The following SHTN1 variants were observed in gnomAD, a reference collection of about 807,000 sequenced individuals.
The protein encoded by SHTN1 is shootin 1, also known as shootin-1.
A neutral mutation model predicts 83.1 loss-of-function variants in SHTN1; 42 were observed. The ratio of observed to expected loss-of-function variants is 0.51; its 90% CI spans 0.39 to 0.65. The LOEUF (loss-of-function observed/expected upper bound fraction) is 0.65. Ranked by LOEUF, SHTN1 falls within the 30% of genes least tolerant of loss-of-function variation. The pLI is 0.00. For missense variants in SHTN1, 622 were observed against 737.8 expected, an observed-to-expected ratio of 0.84 and a Z score of 1.82; for synonymous variants, 224 against 247.7, an observed-to-expected ratio of 0.90 and a Z score of 0.90.
intron 2 of SHTN1, among the ~76,000 whole-genome samples, chr10:117,016,863 AG>A (rs1428210030): frequency 7.2e-5 from 11 of 152,208 alleles, no homozygotes; most frequent in Non-Finnish European, 1.5e-4. Flanking sequence ...ACATACATAA[AG>A]GTATATGTAT....
chr10:117,038,838 G>A (rs747577214), intron 2 of SHTN1, among the ~76,000 whole-genome samples: 28 of 152,282 alleles, frequency 1.8e-4, no homozygotes, highest in East Asian at 9.6e-4. Context: ...GAACACTGAC[G>A]ATACCAAATG....
chr10:117,072,717 C>T (rs1343580492), intron 1 of SHTN1, among the ~76,000 whole-genome samples: 2 of 152,132 alleles, frequency 1.3e-5, no homozygotes, highest in African/African-American at 4.8e-5. Context: ...TGAAAAACAG[C>T]CTTCAACCCT....
At chr10:116,893,576 G>GCGCGCACACACACACACACACACA (rs1554905664) in intron 16 of SHTN1, among the ~76,000 whole-genome samples, 2 of 123,592 alleles carry the variant, frequency 1.6e-5, no homozygotes, top group East Asian at 4.8e-4. Context: ...GCACTCATGT[G>GCGCGCACACACACACACACACACA]CACACACACA....
At chr10:116,893,602 A>ACACACACACACACACACG (rs1847415903) in intron 16 of SHTN1, among the ~76,000 whole-genome samples, 2 of 151,946 alleles carry the variant, frequency 1.3e-5, no homozygotes, top group African/African-American at 4.8e-5. Flanking sequence ...ACACACGAGA[A>ACACACACACACACACACG]AGAAAGCGGA....
At chr10:116,951,531 T>C (rs1408489814) in intron 6 of SHTN1, among the ~76,000 whole-genome samples, 2 of 152,224 alleles carry the variant, frequency 1.3e-5, no homozygotes, top group Admixed American at 1.3e-4. Flanking sequence ...GGGACAGTCC[T>C]TCCCAATTGA....
chr10:116,992,073 T>C (rs565454345), intron 1 of SHTN1, among the ~76,000 whole-genome samples: 1 of 152,108 alleles, frequency 6.6e-6, no homozygotes, highest in South Asian at 2.1e-4. Flanking sequence ...GCTCAAGAGG[T>C]TGAGGCTGCA....
chr10:116,954,380 C>A (rs1186580123), intron 4 of SHTN1, among the ~76,000 whole-genome samples, 170 bp from the exon 5 acceptor site: 3 of 152,078 alleles, frequency 2.0e-5, no homozygotes, highest in African/African-American at 7.2e-5. Flanking sequence ...AAATTTATTT[C>A]TTTAACCAAG....
At chr10:117,092,024 A>AC (rs1166660020) in intron 1 of SHTN1, among the ~76,000 whole-genome samples, 3 of 152,208 alleles carry the variant, frequency 2.0e-5, no homozygotes, top group African/African-American at 7.2e-5. Flanking sequence ...GGTATTCTCA[A>AC]CCCCTTATAA....
chr10:117,026,853 C>G (rs1199838668), intron 2 of SHTN1, among the ~76,000 whole-genome samples: 1 of 152,180 alleles, frequency 6.6e-6, no homozygotes, highest in Non-Finnish European at 1.5e-5. Context: ...GCTTTGCCAC[C>G]TGCTGATTGT....
intron 1 of SHTN1, among the ~76,000 whole-genome samples, chr10:117,050,789 C>T (rs914318739): frequency 2.6e-5 from 4 of 151,954 alleles, no homozygotes; most frequent in Non-Finnish European, 4.4e-5. Context: ...CTTGGTGGCT[C>T]GCACCTGTAA....
At chr10:117,089,044 G>A (rs942227693) in intron 1 of SHTN1, among the ~76,000 whole-genome samples, 19 of 152,164 alleles carry the variant, frequency 1.2e-4, no homozygotes, top group African/African-American at 4.6e-4. Flanking sequence ...CATTAATAGG[G>A]CTGTACAGCC....
At chr10:117,106,972 GTAAAGTGCT>G (rs1853678953) in intron 1 of SHTN1, among the ~76,000 whole-genome samples, 1 of 152,138 alleles carries the variant, frequency 6.6e-6, no homozygotes, top group South Asian at 2.1e-4. Flanking sequence ...GTGGACACAT[GTAAAGTGCT>G]TAAAACACTA....
intron 10 of SHTN1, among the ~76,000 whole-genome samples, chr10:116,929,452 G>A (rs1786254178): frequency 6.6e-6 from 1 of 152,154 alleles, no homozygotes; most frequent in Non-Finnish European, 1.5e-5. Flanking sequence ...GAACACCAAA[G>A]ATGAAGACAG....
At chr10:116,998,342 C>T (rs868362587) in intron 1 of SHTN1, among the ~76,000 whole-genome samples, 1 of 152,038 alleles carries the variant, frequency 6.6e-6, no homozygotes, top group South Asian at 2.1e-4. Flanking sequence ...TCTTATCTAC[C>T]GTTTCACTCT....
chr10:116,988,194 A>G (rs552208017), intron 1 of SHTN1, among the ~76,000 whole-genome samples: 1 of 152,204 alleles, frequency 6.6e-6, no homozygotes, highest in South Asian at 2.1e-4. Context: ...TAATAATAGT[A>G]GAAATGAGAG....
chr10:117,024,097 G>A (rs998791123), intron 2 of SHTN1, among the ~76,000 whole-genome samples: 3 of 10,828 alleles, frequency 2.8e-4, no homozygotes, highest in African/African-American at 3.7e-4. Context: ...CTGTGGTCAG[G>A]CACTCTGAAT....
At chr10:117,015,550 C>T (rs937342219) in intron 2 of SHTN1, among the ~76,000 whole-genome samples, 2 of 152,096 alleles carry the variant, frequency 1.3e-5, no homozygotes, top group South Asian at 2.1e-4. Context: ...AGGCTGGTCT[C>T]GAACTTCCAA....
chr10:116,969,141 C>T (rs879276814), intron 2 of SHTN1, among the ~76,000 whole-genome samples: 20 of 152,084 alleles, frequency 1.3e-4, no homozygotes, highest in Non-Finnish European at 1.8e-4. Flanking sequence ...GAAAGACTAC[C>T]GCAGGCCAGG....
chr10:117,025,375 A>G (rs1474295668), intron 2 of SHTN1, among the ~76,000 whole-genome samples: 1 of 152,198 alleles, frequency 6.6e-6, no homozygotes, highest in African/African-American at 2.4e-5. Context: ...AGAATTGCCG[A>G]TCCCAGTAGT....
Sources: allele counts gnomAD v4.1 joint callset (sites outside exome capture counted in the v4.1 genomes callset), GRCh38; gene constraint gnomAD v4.1.1; transcripts MANE v1.5; gene names NCBI Gene and HGNC (gene_info 2026-07-23, HGNC 2026-07-21).